Variants in TMCC1 observed in about 807,000 individuals in gnomAD.
The protein encoded by TMCC1 is transmembrane and coiled-coil domain family 1.
In TMCC1, 15 loss-of-function variants were observed where a neutral mutation model predicts 52.4. The observed-to-expected ratio is 0.29, with a 90% CI of 0.19 to 0.44. The LOEUF (loss-of-function observed/expected upper bound fraction) is 0.44. Ranked by LOEUF, TMCC1 falls within the 20% of genes least tolerant of loss-of-function variation. The probability of loss-of-function intolerance (pLI) is 1.00; values close to 1 mark genes in which losing one functional copy is unlikely to be tolerated. For missense variants in TMCC1, 503 were observed against 806.0 expected, an observed-to-expected ratio of 0.62 and a Z score of 4.55; for synonymous variants, 279 against 301.9, an observed-to-expected ratio of 0.92 and a Z score of 0.79.
intron 4 of TMCC1, among the ~76,000 whole-genome samples, chr3:129,726,747 C>T (rs751521994): frequency 6.6e-5 from 10 of 150,756 alleles, no homozygotes; most frequent in East Asian, 1.9e-4. Context: ...GGTGAGGTGG[C>T]GCACACCTGT....
chr3:129,688,427 C>G, intron 4 of TMCC1: 2 of 985,452 alleles, frequency 2.0e-6, no homozygotes, highest in Non-Finnish European at 2.4e-6. Flanking sequence ...TGCTTTCCCC[C>G]ACCAAAGAGC....
intron 2 of TMCC1, among the ~76,000 whole-genome samples, chr3:129,869,969 C>T (rs562695189): frequency 6.6e-5 from 10 of 152,196 alleles, no homozygotes; most frequent in Admixed American, 6.5e-4. Flanking sequence ...GAGTTATGAA[C>T]TAAAGCTAGT....
intron 4 of TMCC1, among the ~76,000 whole-genome samples, chr3:129,672,224 C>CA (rs2088009244): frequency 6.6e-6 from 1 of 151,978 alleles, no homozygotes; most frequent in East Asian, 1.9e-4. Context: ...AAATTCAGGA[C>CA]AAAAAAATCC....
intron 4 of TMCC1, among the ~76,000 whole-genome samples, chr3:129,801,280 C>A (rs1394564696): frequency 2.6e-5 from 4 of 151,772 alleles, no homozygotes; most frequent in Non-Finnish European, 5.9e-5. Flanking sequence ...TATCTATGAC[C>A]TCCTTTTTTT....
chr3:129,862,009 T>C (rs1026292572), intron 2 of TMCC1, among the ~76,000 whole-genome samples: 2 of 152,176 alleles, frequency 1.3e-5, no homozygotes, highest in South Asian at 2.1e-4. Flanking sequence ...CTCCATACCA[T>C]GGAATCTTAC....
At chr3:129,798,807 T>C (rs574671494) in intron 4 of TMCC1, among the ~76,000 whole-genome samples, 1 of 152,350 alleles carries the variant, frequency 6.6e-6, no homozygotes, top group East Asian at 1.9e-4. Context: ...ATTATTCTTT[T>C]AGTTACTGTC....
intron 4 of TMCC1, among the ~76,000 whole-genome samples, chr3:129,775,098 A>G (rs2054923882): frequency 6.6e-6 from 1 of 152,144 alleles, no homozygotes; most frequent in African/African-American, 2.4e-5. Flanking sequence ...ACTCGAGAAT[A>G]TTTAGAAAGT....
Position 129,678,847 on chromosome 3 carries a change from C to T in TMCC1, c.577-7583G>A, listed in dbSNP as rs141973964. ...TATGTGTTATTAACCACTATGTATA[C>T]ACCATATTGTCCTAGCAATGCAACA... On this transcript the variant is annotated intron_variant, in intron 4 of 6. Transcript: ENST00000393238. Among the ~76,000 whole-genome samples the T allele has an allele frequency of 3.3e-5, 5 of 152,270 alleles. No homozygotes were observed. In the East Asian group the frequency reaches 5.8e-4, roughly 18 times the overall value.
At chr3:129,842,731 TAAC>T (rs1039468888) in intron 2 of TMCC1, among the ~76,000 whole-genome samples, 19 of 151,966 alleles carry the variant, frequency 1.3e-4, no homozygotes, top group African/African-American at 4.4e-4. Flanking sequence ...CTAAAATCAA[TAAC>T]AAAATATATT....
At chr3:129,759,866 C>G (rs957501031) in intron 4 of TMCC1, among the ~76,000 whole-genome samples, 2 of 150,882 alleles carry the variant, frequency 1.3e-5, no homozygotes, top group Non-Finnish European at 3.0e-5. Context: ...GGACTATAGG[C>G]GCCCGCCACC....
At chr3:129,760,915 G>A (rs1164877111) in intron 4 of TMCC1, among the ~76,000 whole-genome samples, 1 of 151,990 alleles carries the variant, frequency 6.6e-6, no homozygotes, top group African/African-American at 2.4e-5. Flanking sequence ...CCCAGCCCAC[G>A]TTACTATTTA....
intron 1 of TMCC1, among the ~76,000 whole-genome samples, chr3:129,880,864 CTTT>C (rs62895562): frequency 1.0e-4 from 14 of 136,020 alleles, no homozygotes; most frequent in Admixed American, 7.4e-5. Flanking sequence ...AATTTTTTTT[CTTT>C]TTTTTTTTTT....
At chr3:129,715,733 G>A (rs1018551396) in intron 4 of TMCC1, among the ~76,000 whole-genome samples, 1 of 151,962 alleles carries the variant, frequency 6.6e-6, no homozygotes, top group Non-Finnish European at 1.5e-5. Flanking sequence ...TTGACATTGT[G>A]AGTGCTTAAG....
intron 4 of TMCC1, among the ~76,000 whole-genome samples, chr3:129,676,594 T>A (rs935753985): frequency 3.3e-5 from 5 of 152,232 alleles, no homozygotes; most frequent in African/African-American, 1.2e-4. Context: ...TTAGCTTTGT[T>A]ACTTAGCTCT....
chr3:129,871,850 T>C (rs762614439), intron 2 of TMCC1, among the ~76,000 whole-genome samples: 10 of 152,232 alleles, frequency 6.6e-5, no homozygotes, highest in Non-Finnish European at 1.5e-4. Context: ...TTCATATAGA[T>C]GAAAAGTTCT....
intron 5 of TMCC1, among the ~76,000 whole-genome samples, chr3:129,658,487 T>C (rs1384745046): frequency 6.6e-6 from 1 of 152,246 alleles, no homozygotes; most frequent in East Asian, 1.9e-4. Context: ...ACAACATGTA[T>C]GTCACTCTAG....
intron 4 of TMCC1, among the ~76,000 whole-genome samples, chr3:129,779,481 A>C (rs149905655): frequency 6.6e-6 from 1 of 152,318 alleles, no homozygotes; most frequent in African/African-American, 2.4e-5. Context: ...TAGAGATGCA[A>C]ATAAGTATGC....
At chr3:129,736,925 C>T (rs909727780) in intron 4 of TMCC1, among the ~76,000 whole-genome samples, 2 of 152,120 alleles carry the variant, frequency 1.3e-5, no homozygotes, top group African/African-American at 4.8e-5. Context: ...CAGCCATATA[C>T]CTACCACCCA....
chr3:129,790,169 T>C (rs1050790987), intron 4 of TMCC1, among the ~76,000 whole-genome samples: 3 of 152,238 alleles, frequency 2.0e-5, no homozygotes, highest in African/African-American at 7.2e-5. Context: ...GCTGTGAGGC[T>C]ACCTCTACCC....
Sources: allele counts gnomAD v4.1 joint callset (sites outside exome capture counted in the v4.1 genomes callset), GRCh38; gene constraint gnomAD v4.1.1; transcripts MANE v1.5; gene names NCBI Gene and HGNC (gene_info 2026-07-23, HGNC 2026-07-21).